Variants in SHISA9 observed in about 807,000 individuals in gnomAD.
SHISA9 encodes the protein protein shisa-9.
In SHISA9, 13 loss-of-function variants were observed where a neutral mutation model predicts 38.0. The ratio of observed to expected loss-of-function variants is 0.34; its 90% CI spans 0.22 to 0.54. The LOEUF (loss-of-function observed/expected upper bound fraction) is 0.54, where lower values mean the gene tolerates loss of function less well. SHISA9 is among the 20% of genes least tolerant of loss of function. The pLI, the probability that SHISA9 is intolerant of heterozygous loss-of-function variation, is 0.91. For missense variants in SHISA9, 538 were observed against 575.8 expected (o/e 0.93, Z 0.67); for synonymous variants, 275 against 242.0 (o/e 1.14, Z -1.27).
intron 2 of SHISA9, among the ~76,000 whole-genome samples, chr16:13,158,520 G>A (rs532916999): frequency 7.9e-5 from 12 of 152,252 alleles, no homozygotes; most frequent in East Asian, 3.9e-4. Context: ...GGATATTGCC[G>A]CAGTGTTACT....
the SHISA9 span, among the ~76,000 whole-genome samples, chr16:13,297,525 C>A: frequency 6.6e-6 from 1 of 151,948 alleles, no homozygotes; most frequent in Non-Finnish European, 1.5e-5. Flanking sequence ...GTGGAAGATA[C>A]CTGAGTGATG....
At chr16:13,078,393 TTTTA>T (rs2073608864) in intron 2 of SHISA9, among the ~76,000 whole-genome samples, 1 of 149,880 alleles carries the variant, frequency 6.7e-6, no homozygotes, top group African/African-American at 2.5e-5. Context: ...ATTGTTGTAT[TTTTA>T]TTTATTTTTC....
chr16:13,058,160 C>T (rs1292632322), intron 2 of SHISA9, among the ~76,000 whole-genome samples: 1 of 152,030 alleles, frequency 6.6e-6, no homozygotes, highest in Non-Finnish European at 1.5e-5. Context: ...GGCATATGAA[C>T]TTTTTTTTAA....
chr16:13,475,690 G>A, the SHISA9 span, among the ~76,000 whole-genome samples: 1 of 152,068 alleles, frequency 6.6e-6, no homozygotes, highest in African/African-American at 2.4e-5. Flanking sequence ...TTTCTATTAT[G>A]ATAACATTGC....
chr16:13,326,842 C>A, the SHISA9 span, among the ~76,000 whole-genome samples: 1 of 151,832 alleles, frequency 6.6e-6, no homozygotes, highest in African/African-American at 2.4e-5. Context: ...AGATACCCAG[C>A]ACATAATACA....
chr16:13,141,582 G>T (rs1596677038), intron 2 of SHISA9, among the ~76,000 whole-genome samples: 2 of 152,048 alleles, frequency 1.3e-5, no homozygotes, highest in South Asian at 4.2e-4. Context: ...TACTGGAGAG[G>T]CTGAGTCACG....
the SHISA9 span, among the ~76,000 whole-genome samples, chr16:13,264,242 T>C: frequency 2.6e-5 from 4 of 151,658 alleles, no homozygotes; most frequent in Admixed American, 2.6e-4. Flanking sequence ...TGGCATGATC[T>C]TGGCTCTCTG....
chr16:13,220,188 TATCTC>T (rs1441636511), intron 4 of SHISA9, among the ~76,000 whole-genome samples: 4 of 152,186 alleles, frequency 2.6e-5, no homozygotes, highest in African/African-American at 9.7e-5. Flanking sequence ...AGGTTCTTCT[TATCTC>T]AGGTGATTTC....
intron 1 of SHISA9, among the ~76,000 whole-genome samples, chr16:12,903,630 G>C (rs1332428773): frequency 6.6e-6 from 1 of 152,244 alleles, no homozygotes; most frequent in Non-Finnish European, 1.5e-5. Context: ...GCTGGGGGTT[G>C]GCGTGAGGTC....
At chr16:13,299,242 C>T in the SHISA9 span, among the ~76,000 whole-genome samples, 95 of 152,270 alleles carry the variant, frequency 6.2e-4, 1 homozygote, top group South Asian at 0.018. Flanking sequence ...TTAGCGCTTC[C>T]CTTGTACAGA....
chr16:13,215,726 G>A (rs1038613015), intron 4 of SHISA9, among the ~76,000 whole-genome samples: 4 of 146,330 alleles, frequency 2.7e-5, no homozygotes, highest in South Asian at 2.1e-4. Flanking sequence ...CTGCCTTGTC[G>A]GGGGAGAGGA....
the SHISA9 span, among the ~76,000 whole-genome samples, chr16:13,532,515 T>C: frequency 6.6e-6 from 1 of 151,820 alleles, no homozygotes; most frequent in Non-Finnish European, 1.5e-5. Flanking sequence ...AAGCCTAAGT[T>C]TTCTTGCCAG....
At chr16:13,193,051 G>A (rs1249777009) in intron 2 of SHISA9, among the ~76,000 whole-genome samples, 1 of 152,202 alleles carries the variant, frequency 6.6e-6, no homozygotes, top group African/African-American at 2.4e-5. Context: ...CAGGAAGAAG[G>A]AAGTTATTCA....
chr16:12,936,171 C>A (rs1344170128), intron 2 of SHISA9, among the ~76,000 whole-genome samples: 1 of 152,118 alleles, frequency 6.6e-6, no homozygotes, highest in Non-Finnish European at 1.5e-5. Context: ...GTGAGAAAGG[C>A]CTTTAAGACA....
chr16:13,260,007 CTTTTTT>C, the SHISA9 span, among the ~76,000 whole-genome samples: 450 of 60,428 alleles, frequency 7.4e-3, 3 homozygotes, highest in Admixed American at 0.012. Flanking sequence ...TTCTTTCTTT[CTTTTTT>C]TTTTTTTTTT....
chr16:12,955,861 A>G (rs1366420388), intron 2 of SHISA9, among the ~76,000 whole-genome samples: 1 of 152,212 alleles, frequency 6.6e-6, no homozygotes, highest in African/African-American at 2.4e-5. Context: ...ATAATTTATG[A>G]TGAAGACCCA....
intron 2 of SHISA9, among the ~76,000 whole-genome samples, chr16:13,027,982 T>A: frequency 7.4e-6 from 1 of 135,716 alleles, no homozygotes; most frequent in African/African-American, 2.7e-5. Flanking sequence ...AGCCAAGCAC[T>A]AAAAAGTGTA....
the SHISA9 span, among the ~76,000 whole-genome samples, chr16:13,342,582 G>A: frequency 1.5e-4 from 23 of 152,176 alleles, no homozygotes; most frequent in Admixed American, 6.5e-5. Context: ...CTCCACATCC[G>A]GCTCAACTTA....
At chr16:12,980,837 A>G (rs1054778300) in intron 2 of SHISA9, among the ~76,000 whole-genome samples, 1 of 151,486 alleles carries the variant, frequency 6.6e-6, no homozygotes, top group Non-Finnish European at 1.5e-5. Context: ...TTTTGTGTCC[A>G]TTATCCATTC....
Sources: allele counts gnomAD v4.1 joint callset (sites outside exome capture counted in the v4.1 genomes callset), GRCh38; gene constraint gnomAD v4.1.1; transcripts MANE v1.5; gene names NCBI Gene and HGNC (gene_info 2026-07-23, HGNC 2026-07-21).